BNC2: variants seen among roughly 807,000 people sequenced by gnomAD.
BNC2 encodes the protein basonuclin zinc finger protein 2.
A neutral mutation model predicts 76.3 loss-of-function variants in BNC2; 20 were observed. The ratio of observed to expected loss-of-function variants is 0.26; its 90% confidence interval spans 0.18 to 0.38. The LOEUF (loss-of-function observed/expected upper bound fraction) is 0.38. Ranked by LOEUF, BNC2 falls within the 10% of genes least tolerant of loss-of-function variation. The pLI is 1.00. For missense variants in BNC2, 1,382 were observed against 1,399.8 expected (o/e 0.99, Z 0.20); for synonymous variants, 582 against 514.8 (o/e 1.13, Z -1.77).
intron 4 of BNC2, among the ~76,000 whole-genome samples, chr9:16,574,228 G>GCAAGAT (rs1819419550): frequency 6.6e-6 from 1 of 152,114 alleles, no homozygotes; most frequent in African/African-American, 2.4e-5. Flanking sequence ...CTTCCTGTAG[G>GCAAGAT]ATCGTTAGCA....
rs1821843644 is a variant in BNC2 at position 16,472,343 on chromosome 9, A to G, written c.670-34819T>C. Among the ~76,000 whole-genome samples, 5 of 152,338 alleles carry G rather than the reference A, an allele frequency of 3.3e-5. No homozygotes were observed. In the South Asian group the frequency reaches 8.3e-4, roughly 25 times the overall value. On this transcript the variant is annotated intron_variant, in intron 5 of 6. Coordinates refer to ENST00000380672, the MANE Select transcript of BNC2 (RefSeq NM_017637.6). ...TGCAGGGGTAAATAGAAAAGCTGGT[A>G]GTAAGCTTACATGAGGTGCTGCCCT...
chr9:16,533,893 T>C (rs1444905824), intron 5 of BNC2, among the ~76,000 whole-genome samples: 3 of 152,114 alleles, frequency 2.0e-5, no homozygotes, highest in African/African-American at 7.2e-5. Flanking sequence ...GAGAGAAACA[T>C]AATCTAAAAA....
At chr9:16,719,068 C>T (rs937107733) in intron 3 of BNC2, among the ~76,000 whole-genome samples, 4 of 152,188 alleles carry the variant, frequency 2.6e-5, no homozygotes, top group African/African-American at 4.8e-5. Flanking sequence ...TAAACAGCAG[C>T]TAACTCGCTG....
At chr9:16,560,657 G>T (rs1266048976) in intron 4 of BNC2, among the ~76,000 whole-genome samples, 2 of 152,218 alleles carry the variant, frequency 1.3e-5, no homozygotes, top group African/African-American at 2.4e-5. Context: ...GAGCCCAGGA[G>T]TTCCAGGCTG....
intron 5 of BNC2, among the ~76,000 whole-genome samples, chr9:16,480,023 G>A (rs1350034223): frequency 1.3e-5 from 2 of 152,180 alleles, no homozygotes; most frequent in African/African-American, 2.4e-5. Context: ...TATTTACTAT[G>A]TGGCAAGTAC....
chr9:16,461,791 C>T (rs547837711), intron 5 of BNC2, among the ~76,000 whole-genome samples: 1 of 152,274 alleles, frequency 6.6e-6, no homozygotes, highest in South Asian at 2.1e-4. Context: ...GGACTCACAA[C>T]CTTCTTGTGA....
At chr9:16,844,529 G>A (rs1186421636) in intron 1 of BNC2, among the ~76,000 whole-genome samples, 7 of 127,092 alleles carry the variant, frequency 5.5e-5, no homozygotes, top group Admixed American at 2.0e-4. Flanking sequence ...ACGGAGTCTC[G>A]CTCTGTCACC....
At chr9:16,560,546 CAAAAAA>C (rs35877425) in intron 4 of BNC2, among the ~76,000 whole-genome samples, 1 of 148,476 alleles carries the variant, frequency 6.7e-6, no homozygotes, top group Non-Finnish European at 1.5e-5. Context: ...ACCATGTCCA[CAAAAAA>C]AAAATAAAAA....
chr9:16,796,607 G>GAAGGGA lies in BNC2; in HGVS notation c.4-58128_4-58123dup, dbSNP rs1288007244. Among the ~76,000 whole-genome samples, 921 of 148,524 alleles carry GAAGGGA rather than the reference G, an allele frequency of 6.2e-3. 9 individuals carry two copies. Among genetic ancestry groups the GAAGGGA allele is most frequent in the African/African-American group, 0.021 (853 of 40,070 alleles). ...GAAAGAAAAGGAAAGGAAGGGAAGG[G>GAAGGGA]AAGGGAAAGGGAAAGGGAAGGGAAA... On this transcript the variant is annotated intron_variant, in intron 1 of 6. Transcript: ENST00000380672.
rs562488664 is a variant in BNC2, at chr9:16,817,958, TA to T, written c.3+52687del. ...ATTCATTTGATGCAAGCATGGTTCA[TA>T]AGCATTGTTTGTGTTGTTAGTCTAA... On this transcript the variant is annotated intron_variant, in intron 1 of 6. Transcript: ENST00000380672. Among the ~76,000 whole-genome samples the T allele has an allele frequency of 3.9e-5, 6 of 152,298 alleles. No homozygotes were observed. In the South Asian group the frequency reaches 1.2e-3, roughly 32 times the overall value.
chr9:16,755,991 T>C (rs1311177012), intron 1 of BNC2, among the ~76,000 whole-genome samples: 4 of 152,328 alleles, frequency 2.6e-5, no homozygotes, highest in South Asian at 4.1e-4. Context: ...GTCTAAGTCA[T>C]GTGCCAAACC....
At chr9:16,467,679 T>G in intron 5 of BNC2, among the ~76,000 whole-genome samples, 1 of 125,870 alleles carries the variant, frequency 7.9e-6, no homozygotes, top group Non-Finnish European at 1.7e-5. Context: ...CTGGGGACTG[T>G]GGTGGGGTCG....
intron 5 of BNC2, among the ~76,000 whole-genome samples, chr9:16,539,245 G>C (rs937413216): frequency 6.6e-6 from 1 of 152,116 alleles, no homozygotes; most frequent in Non-Finnish European, 1.5e-5. Flanking sequence ...GGGCGTGTTG[G>C]CTCACGTCTG....
intron 1 of BNC2, among the ~76,000 whole-genome samples, chr9:16,741,670 G>A (rs7021735): frequency 0.9 from 137,608 of 152,076 alleles, 62,284 homozygotes; most frequent in Non-Finnish European, 0.92. Context: ...TCTAAAACAT[G>A]CACCATGACA....
At chr9:16,760,226 G>A (rs542262107) in intron 1 of BNC2, among the ~76,000 whole-genome samples, 1 of 152,198 alleles carries the variant, frequency 6.6e-6, no homozygotes, top group Non-Finnish European at 1.5e-5. Context: ...CCTCCTCAAG[G>A]TGAGTAGTAT....
At chr9:16,807,009 C>CTT (rs35272268) in intron 1 of BNC2, among the ~76,000 whole-genome samples, 1 of 152,020 alleles carries the variant, frequency 6.6e-6, no homozygotes, top group Admixed American at 6.6e-5. Flanking sequence ...ACTTTCTTCT[C>CTT]TTTTTTTCAG....
At position 16,786,124 on chromosome 9, in the gene BNC2, G is replaced by C. The variant is rs1459223108; in HGVS notation, c.4-47639C>G. Among the ~76,000 whole-genome samples the C allele has an allele frequency of 5.9e-5, 9 of 152,284 alleles. No homozygotes were observed. In the East Asian group the frequency reaches 1.7e-3, roughly 29 times the overall value. ...AAGAGTGGAGTGGCTTAGAATGGCT[G>C]ATTACTCTTCTAAGAATCTCATTTG... On this transcript the variant is annotated intron_variant, in intron 1 of 6. Coordinates refer to ENST00000380672, the MANE Select transcript of BNC2 (RefSeq NM_017637.6).
chr9:16,801,763 A>G (rs1263683969), intron 1 of BNC2, among the ~76,000 whole-genome samples: 2 of 151,996 alleles, frequency 1.3e-5, no homozygotes, highest in African/African-American at 4.8e-5. Context: ...CACAGAAAAA[A>G]TAAAACTGCC....
intron 3 of BNC2, among the ~76,000 whole-genome samples, chr9:16,708,732 A>G (rs1247325763): frequency 6.6e-6 from 1 of 151,934 alleles, no homozygotes; most frequent in African/African-American, 2.4e-5. Flanking sequence ...AAAGGGAGAG[A>G]AAAAGAAAAG....
Sources: gnomAD v4.1 joint callset for allele counts (sites outside exome capture counted in the v4.1 genomes callset) on GRCh38, gnomAD v4.1.1 for gene constraint, MANE v1.5 for transcripts, NCBI Gene and HGNC (gene_info 2026-07-23, HGNC 2026-07-21) for gene names.